The following HSF2 variants were observed in gnomAD, a reference collection of about 807,000 sequenced individuals.
The protein encoded by HSF2 is heat shock factor protein 2.
Under a neutral mutation model 65.0 loss-of-function variants are expected in HSF2, and 21 were observed. The observed-to-expected ratio is 0.32, with a 90% CI of 0.23 to 0.47. The LOEUF (loss-of-function observed/expected upper bound fraction) is 0.47. Among genes scored for constraint, HSF2 ranks in the 20% least tolerant of loss-of-function variants. The pLI, the probability that HSF2 is intolerant of heterozygous loss-of-function variation, is 1.00. For synonymous variants in HSF2, 225 were observed against 219.1 expected (o/e 1.03, Z -0.24); for missense variants, 499 against 628.1 (o/e 0.79, Z 2.20).
At chr6:122,420,911 C>T (rs1382127016) in intron 7 of HSF2, among the ~76,000 whole-genome samples, 1 of 151,210 alleles carries the variant, frequency 6.6e-6, no homozygotes, top group Non-Finnish European at 1.5e-5. Context: ...GGATTTTCAT[C>T]ATGTCACCTT....
chr6:122,405,707 A>T (rs1444604779), intron 1 of HSF2, among the ~76,000 whole-genome samples: 2 of 152,154 alleles, frequency 1.3e-5, no homozygotes, highest in East Asian at 1.9e-4. Context: ...GCTGTTTTAT[A>T]AAAAAAAGTT....
chr6:122,402,767 G>GCAATTGAAATTATACTTAAA (rs1773767873), intron 1 of HSF2, among the ~76,000 whole-genome samples: 1 of 152,112 alleles, frequency 6.6e-6, no homozygotes, highest in Admixed American at 6.6e-5. Flanking sequence ...TGGCCAGGCA[G>GCAATTGAAATTATACTTAAA]TCTCAAACTC....
At chr6:122,417,138 G>A (rs1450745447) in intron 5 of HSF2, among the ~76,000 whole-genome samples, 1 of 151,606 alleles carries the variant, frequency 6.6e-6, no homozygotes, top group Non-Finnish European at 1.5e-5. Flanking sequence ...AGTCAACATA[G>A]ATTTACTGTG....
intron 2 of HSF2, 50 bp downstream of exon 2, chr6:122,412,531 A>T (rs1774023897): frequency 7.8e-6 from 12 of 1,537,330 alleles, no homozygotes; most frequent in Non-Finnish European, 9.9e-6. Context: ...CTACTGATGA[A>T]GCCATTTTTT....
At chr6:122,413,775 A>T (rs138720885) in intron 4 of HSF2, 126 bp downstream of exon 4, 3 of 790,140 alleles carry the variant, frequency 3.8e-6, no homozygotes, top group Non-Finnish European at 6.2e-6. Context: ...GCCAAGATCA[A>T]AGGTCATTTT....
chr6:122,403,960 C>T (rs1773802713), intron 1 of HSF2, among the ~76,000 whole-genome samples: 2 of 152,154 alleles, frequency 1.3e-5, no homozygotes, highest in African/African-American at 4.8e-5. Context: ...AATGTTACAA[C>T]CAACGTATGC....
intron 3 of HSF2, 91 bp downstream of exon 3, chr6:122,412,855 G>A (rs1455510088): frequency 1.7e-6 from 2 of 1,181,132 alleles, no homozygotes; most frequent in East Asian, 4.8e-5. Flanking sequence ...GTACAGAAAT[G>A]CACAACTGTT....
intron 1 of HSF2, among the ~76,000 whole-genome samples, chr6:122,406,973 CTT>C (rs954325217): frequency 2.0e-5 from 3 of 152,084 alleles, no homozygotes; most frequent in Admixed American, 6.6e-5. Context: ...GAGTATAAGA[CTT>C]TGGCATTCAG....
chr6:122,425,911 C>T (rs549948286), intron 10 of HSF2, among the ~76,000 whole-genome samples: 1 of 152,198 alleles, frequency 6.6e-6, no homozygotes, highest in Admixed American at 6.6e-5. Flanking sequence ...CCTCAGATTA[C>T]TTGATTTAAC....
At chr6:122,421,350 C>T (rs1774231452) in intron 7 of HSF2, among the ~76,000 whole-genome samples, 1 of 151,892 alleles carries the variant, frequency 6.6e-6, no homozygotes, top group African/African-American at 2.4e-5. Context: ...CTTGGACAAT[C>T]AAACTTAACC....
chr6:122,400,198 C>T (rs866583144), intron 1 of HSF2, among the ~76,000 whole-genome samples: 2 of 152,280 alleles, frequency 1.3e-5, no homozygotes, highest in South Asian at 4.1e-4. Flanking sequence ...GTCCTCCCGC[C>T]CGGCTCAGGG....
At chr6:122,399,967 C>T in intron 1 of HSF2, 137 bp downstream of exon 1, 1 of 696,888 alleles carries the variant, frequency 1.4e-6, no homozygotes, top group Non-Finnish European at 2.4e-6. Context: ...GGCGTTCAGC[C>T]TCGCGGGGGA....
In HSF2 at chr6:122,410,160, T is replaced by C. The variant is rs536700907; in HGVS notation, c.94-2213T>C. Reference sequence around the variant, plus strand: ...GTAATTATTTTTACAAATGAACTTATGTACCTAACATTTGGTTATGATAGC... The same window carrying C: ...GTAATTATTTTTACAAATGAACTTACGTACCTAACATTTGGTTATGATAGC... On this transcript the variant is annotated intron_variant, in intron 1 of 12. Coordinates refer to ENST00000368455, the MANE Select transcript of HSF2 (RefSeq NM_004506.4). 1.2e-3 allele frequency among the ~76,000 whole-genome samples: 190 copies of C among 152,102 alleles called. 3 individuals carry two copies. The highest frequency in any genetic ancestry group is 6.0e-3 in the South Asian group (29 of 4,830).
At chr6:122,422,578 T>A (rs910635299) in intron 8 of HSF2, 140 bp from the exon 9 acceptor site, 1 of 844,252 alleles carries the variant, frequency 1.2e-6, no homozygotes, top group Non-Finnish European at 1.9e-6. Context: ...GTACCAATAT[T>A]GTGATTAAGC....
At chr6:122,400,552 T>C (rs1773705288) in intron 1 of HSF2, among the ~76,000 whole-genome samples, 1 of 152,200 alleles carries the variant, frequency 6.6e-6, no homozygotes, top group South Asian at 2.1e-4. Context: ...CAGAGGGGCA[T>C]ATCGATGTGT....
chr6:122,428,497 G>A (rs1401675495), intron 11 of HSF2, among the ~76,000 whole-genome samples: 2 of 151,952 alleles, frequency 1.3e-5, no homozygotes, highest in African/African-American at 4.8e-5. Flanking sequence ...GTTGACAAGA[G>A]ATTTTGCGGA....
Position 122,418,477 on chromosome 6 carries a change from G to A in HSF2, c.532-691G>A, listed in dbSNP as rs45574936. Among the ~76,000 whole-genome samples, 1,106 of 152,262 alleles carry A rather than the reference G, an allele frequency of 7.3e-3. 16 individuals carry two copies. Among genetic ancestry groups the A allele is most frequent in the East Asian group, 0.044 (227 of 5,182 alleles). ...AGAAACACTACTATAAGATATGAAA[G>A]CTTGTTTGTGTGTCTTCACAATTTT... On this transcript the variant is annotated intron_variant, in intron 5 of 12. Coordinates refer to ENST00000368455, the MANE Select transcript of HSF2 (RefSeq NM_004506.4).
At chr6:122,413,414 C>A in intron 3 of HSF2, 111 bp from the exon 4 acceptor site, 1 of 715,266 alleles carries the variant, frequency 1.4e-6, no homozygotes, top group Admixed American at 3.0e-5. Context: ...CTTTTGGAAC[C>A]AGATCTCACT....
chr6:122,430,238 G>A (rs1441189910), intron 11 of HSF2, among the ~76,000 whole-genome samples: 3 of 152,034 alleles, frequency 2.0e-5, no homozygotes, highest in Admixed American at 1.3e-4. Context: ...GTCTTGGGAG[G>A]GTGTATGTGT....
Sources: allele counts gnomAD v4.1 joint callset (sites outside exome capture counted in the v4.1 genomes callset), GRCh38; gene constraint gnomAD v4.1.1; transcripts MANE v1.5; gene names NCBI Gene and HGNC (gene_info 2026-07-23, HGNC 2026-07-21).